The following HLCS variants were observed in gnomAD, a reference collection of about 807,000 sequenced individuals.
HLCS encodes the protein biotin--protein ligase.
A neutral mutation model predicts 75.0 loss-of-function variants in HLCS; 53 were observed. That is an observed-to-expected ratio of 0.71 (90% CI 0.57 to 0.89). The LOEUF (loss-of-function observed/expected upper bound fraction) is 0.89, where lower values mean the gene tolerates loss of function less well. HLCS is among the 40% of genes least tolerant of loss of function. HLCS has a pLI of 0.00. For synonymous variants in HLCS, 431 were observed against 428.6 expected (o/e 1.01, Z -0.07); for missense variants, 966 against 1,074.0 (o/e 0.90, Z 1.41).
chr21:36,932,893 G>A (rs1366740854), intron 4 of HLCS, among the ~76,000 whole-genome samples: 3 of 152,194 alleles, frequency 2.0e-5, no homozygotes, highest in Non-Finnish European at 4.4e-5. Context: ...CGAGGCGGGA[G>A]GATCATTTGA....
chr21:36,958,253 A>AAAAGAAAG (rs1555969614), intron 2 of HLCS, among the ~76,000 whole-genome samples: 74 of 135,864 alleles, frequency 5.4e-4, no homozygotes, highest in South Asian at 1.7e-3. Flanking sequence ...AAAAAAAAAA[A>AAAAGAAAG]AAAGAAAGAA....
At chr21:36,985,619 A>T (rs1254082838) in intron 1 of HLCS, among the ~76,000 whole-genome samples, 1 of 152,158 alleles carries the variant, frequency 6.6e-6, no homozygotes, top group Non-Finnish European at 1.5e-5. Context: ...TACAAAAATT[A>T]GCTGGGCGTG....
chr21:36,796,229 C>T (rs1214325850), intron 6 of HLCS, among the ~76,000 whole-genome samples: 3 of 152,172 alleles, frequency 2.0e-5, no homozygotes, highest in African/African-American at 7.2e-5. Flanking sequence ...GAATTCAATG[C>T]TACATCTTAT....
chr21:36,924,211 T>C (rs2146463293), intron 5 of HLCS, among the ~76,000 whole-genome samples: 2 of 152,318 alleles, frequency 1.3e-5, no homozygotes, highest in South Asian at 4.1e-4. Context: ...AGTACTATGT[T>C]AAAAAATGGC....
chr21:36,788,292 T>C (rs1459485766), intron 6 of HLCS, among the ~76,000 whole-genome samples: 1 of 152,194 alleles, frequency 6.6e-6, no homozygotes, highest in East Asian at 1.9e-4. Context: ...GACTCAGCTG[T>C]GCAGGGCCCG....
At chr21:36,853,681 T>C (rs1233460891) in intron 6 of HLCS, among the ~76,000 whole-genome samples, 2 of 152,226 alleles carry the variant, frequency 1.3e-5, no homozygotes, top group Admixed American at 1.3e-4. Flanking sequence ...ATAAAGTGAA[T>C]AACTCTAATA....
chr21:36,861,669 T>TAC (rs2063386337), intron 6 of HLCS, among the ~76,000 whole-genome samples: 1 of 152,226 alleles, frequency 6.6e-6, no homozygotes, highest in Non-Finnish European at 1.5e-5. Context: ...ACTGTGTTCG[T>TAC]TTGCTTATAC....
intron 6 of HLCS, among the ~76,000 whole-genome samples, chr21:36,818,303 C>T (rs531701786): frequency 7.2e-5 from 11 of 152,268 alleles, no homozygotes; most frequent in Admixed American, 6.5e-4. Flanking sequence ...AAGACCCTCC[C>T]GCGAGGAGCA....
rs73905407 is a variant in HLCS at position 36,930,161 on chromosome 21, C to G, written c.1620+90G>C. The G allele has an allele frequency of 0.016, 19,444 of 1,192,248 alleles. 566 individuals are homozygous for G. The highest frequency in any genetic ancestry group is 0.11 in the African/African-American group (7,226 of 66,646). The allele number at this position is 1,192,248 out of a possible 1,614,324, so 73.9% of individuals were successfully genotyped here. A position where few individuals can be genotyped will look rare whatever the true frequency, so the allele number is the denominator to read the frequency against. ...CAAAACAGAAATGGAAAATCAAAAC[C>G]AACCAAAATAAAACAATTAAAGCAA... On this transcript the variant is annotated intron_variant, in intron 5 of 10. Coordinates refer to ENST00000674895, the MANE Select transcript of HLCS (RefSeq NM_001352514.2).
intron 6 of HLCS, among the ~76,000 whole-genome samples, chr21:36,841,467 C>G (rs935087888): frequency 6.6e-6 from 1 of 152,174 alleles, no homozygotes; most frequent in African/African-American, 2.4e-5. Flanking sequence ...AGGACGATGG[C>G]CTCTGCCACG....
rs533148021 is a variant in HLCS, at chr21:36,772,975, A to T, written c.1893-5690T>A. On this transcript the variant is annotated intron_variant, in intron 6 of 10. Transcript: ENST00000674895. ...CAGCCAGGTGACAGAACAAGACTCC[A>T]TCTCAAAAAAAAAAAAAAAAAGGTG... 5.7e-4 allele frequency among the ~76,000 whole-genome samples: 73 copies of T among 128,672 alleles called. No homozygotes were observed. In the Middle Eastern group the frequency reaches 0.015, roughly 27 times the overall value. The allele number at this position is 128,672 out of a possible 152,430, so 84.4% of individuals were successfully genotyped here.
At chr21:36,868,540 C>A (rs1209181665) in intron 6 of HLCS, among the ~76,000 whole-genome samples, 1 of 151,962 alleles carries the variant, frequency 6.6e-6, no homozygotes, top group East Asian at 1.9e-4. Context: ...TTTTAATGAC[C>A]AATTCTATTT....
chr21:36,974,899 G>A (rs13050617), intron 1 of HLCS: 62,208 of 151,906 alleles, frequency 0.41, 13,470 homozygotes, highest in South Asian at 0.53. Context: ...AGCAGCCCTT[G>A]CGAACCAGCA....
intron 6 of HLCS, among the ~76,000 whole-genome samples, chr21:36,814,093 T>C (rs1325289137): frequency 3.9e-5 from 6 of 152,090 alleles, no homozygotes; most frequent in African/African-American, 1.4e-4. Context: ...TCAGAAAGAA[T>C]AGAATAGAGT....
At chr21:36,788,215 AGG>A (rs1438270150) in intron 6 of HLCS, among the ~76,000 whole-genome samples, 1 of 152,142 alleles carries the variant, frequency 6.6e-6, no homozygotes, top group Non-Finnish European at 1.5e-5. Context: ...AATGTCCCTA[AGG>A]GGCACGTGCC....
chr21:36,823,393 C>T (rs1015066939), intron 6 of HLCS, among the ~76,000 whole-genome samples: 4 of 152,176 alleles, frequency 2.6e-5, no homozygotes, highest in African/African-American at 9.7e-5. Context: ...TTATAAGGAA[C>T]AGTCAGTTCA....
intron 6 of HLCS, among the ~76,000 whole-genome samples, chr21:36,825,918 G>A (rs2061993329): frequency 6.6e-6 from 1 of 152,212 alleles, no homozygotes; most frequent in South Asian, 2.1e-4. Context: ...GAGCCATAGA[G>A]TGGGGACAGT....
At chr21:36,901,984 G>A (rs920510182) in intron 5 of HLCS, among the ~76,000 whole-genome samples, 1 of 152,126 alleles carries the variant, frequency 6.6e-6, no homozygotes, top group Non-Finnish European at 1.5e-5. Flanking sequence ...AGTGGGGGGC[G>A]GTGGTTGCGG....
chr21:36,890,751 T>C (rs1256620764), intron 6 of HLCS, among the ~76,000 whole-genome samples: 3 of 152,142 alleles, frequency 2.0e-5, no homozygotes, highest in African/African-American at 7.2e-5. Flanking sequence ...CAAATCCTCC[T>C]AGATGTGTAA....
Sources: gnomAD v4.1 joint callset for allele counts (sites outside exome capture counted in the v4.1 genomes callset) on GRCh38, gnomAD v4.1.1 for gene constraint, MANE v1.5 for transcripts, NCBI Gene and HGNC (gene_info 2026-07-23, HGNC 2026-07-21) for gene names.